Variants in TMEM65 observed in about 807,000 individuals in gnomAD.
TMEM65 encodes transmembrane protein 65.
A neutral mutation model predicts 25.4 loss-of-function variants in TMEM65; 22 were observed. That is an observed-to-expected ratio of 0.86 (90% confidence interval 0.62 to 1.23). The LOEUF (loss-of-function observed/expected upper bound fraction) is 1.23. TMEM65 is among the 50% of genes most tolerant of loss of function. The probability of loss-of-function intolerance (pLI) is 0.00; values close to 1 mark genes in which losing one functional copy is unlikely to be tolerated. For missense variants in TMEM65, 262 were observed against 308.2 expected, an observed-to-expected ratio of 0.85 and a Z score of 1.12; for synonymous variants, 132 against 126.2, an observed-to-expected ratio of 1.05 and a Z score of -0.31.
chr8:124,337,820 C>A (rs1417785945), intron 1 of TMEM65, among the ~76,000 whole-genome samples: 4 of 151,830 alleles, frequency 2.6e-5, no homozygotes, highest in Non-Finnish European at 5.9e-5. Context: ...GGTTTGACTG[C>A]AAATATTTTA....
chr8:124,359,769 G>C (rs1256510618), intron 1 of TMEM65, among the ~76,000 whole-genome samples: 1 of 151,560 alleles, frequency 6.6e-6, no homozygotes, highest in Non-Finnish European at 1.5e-5. Flanking sequence ...AGACTATAAA[G>C]GGCAAATAAA....
intron 5 of TMEM65, among the ~76,000 whole-genome samples, chr8:124,321,237 T>C (rs1402282655): frequency 1.3e-5 from 2 of 152,278 alleles, no homozygotes; most frequent in South Asian, 2.1e-4. Context: ...AGGTTAAGGT[T>C]AGATCACTTA....
intron 4 of TMEM65, 71 bp from the exon 5 acceptor site, chr8:124,322,218 C>CACTG: frequency 8.4e-7 from 1 of 1,188,994 alleles, no homozygotes; most frequent in South Asian, 1.4e-5. Flanking sequence ...ATCAATAAAG[C>CACTG]ACTGATCTTG....
chr8:124,339,222 A>AT (rs71289657), intron 1 of TMEM65, among the ~76,000 whole-genome samples: 18 of 19,900 alleles, frequency 9.0e-4, no homozygotes, highest in Non-Finnish European at 1.3e-3. Flanking sequence ...AAAAAAAAAA[A>AT]ATATATATAT....
chr8:124,329,491 T>G (rs967933640), intron 2 of TMEM65, among the ~76,000 whole-genome samples: 1 of 151,964 alleles, frequency 6.6e-6, no homozygotes, highest in African/African-American at 2.4e-5. Flanking sequence ...AATTAGGTGA[T>G]AAGCCCATTA....
intron 3 of TMEM65, 62 bp downstream of exon 3, chr8:124,327,292 G>C: frequency 8.8e-7 from 1 of 1,136,014 alleles, no homozygotes; most frequent in Non-Finnish European, 1.3e-6. Context: ...AAAATTATTA[G>C]GAAAATGTAG....
At chr8:124,366,727 T>TTTGA (rs1814944149) in intron 1 of TMEM65, among the ~76,000 whole-genome samples, 2 of 150,686 alleles carry the variant, frequency 1.3e-5, no homozygotes, top group African/African-American at 4.9e-5. Flanking sequence ...AAAAAAAAAC[T>TTTGA]TTACTTGATT....
chr8:124,315,407 C>T (rs1814223612), intron 6 of TMEM65, among the ~76,000 whole-genome samples: 3 of 151,794 alleles, frequency 2.0e-5, no homozygotes, highest in South Asian at 2.1e-4. Context: ...CTGCAAGCTC[C>T]GTCTCCTGGG....
At position 124,308,927 on chromosome 8, in the gene TMEM65, T is replaced by C. The variant is rs1814125329; in HGVS notation, c.*5033A>G. ...AACATCAGACAGAAGTTACAATGCA[T>C]TTTCATAATTACACGTAGTGTGCCT... On this transcript the variant is annotated 3_prime_UTR_variant, in exon 7 of 7. Transcript: ENST00000297632. 6.6e-6 allele frequency: 1 copy of C among 152,196 alleles called. No individual in the cohort carries two copies. The highest frequency in any genetic ancestry group is 1.5e-5 in the Non-Finnish European group (1 of 68,038). The allele number at this position is 152,196 out of a possible 1,614,324, so 9.4% of individuals were successfully genotyped here. A position where few individuals can be genotyped will look rare whatever the true frequency, so the allele number is the denominator to read the frequency against.
chr8:124,370,004 C>G (rs543632137), intron 1 of TMEM65, among the ~76,000 whole-genome samples: 2 of 152,242 alleles, frequency 1.3e-5, no homozygotes, highest in South Asian at 4.1e-4. Flanking sequence ...GCAAAGAAGA[C>G]AATTTAAATT....
intron 5 of TMEM65, 31 bp from the exon 6 acceptor site, chr8:124,320,222 G>A: frequency 1.3e-6 from 2 of 1,516,408 alleles, no homozygotes; most frequent in Non-Finnish European, 1.8e-6. Context: ...ATGATATATA[G>A]GTTATGTTTC....
intron 1 of TMEM65, among the ~76,000 whole-genome samples, chr8:124,335,960 G>T (rs1814502051): frequency 6.6e-6 from 1 of 151,936 alleles, no homozygotes; most frequent in African/African-American, 2.4e-5. Flanking sequence ...AACAAAAAAA[G>T]TAAGACCCAA....
At chr8:124,333,744 AC>A (rs1391924404) in intron 1 of TMEM65, among the ~76,000 whole-genome samples, 1 of 152,192 alleles carries the variant, frequency 6.6e-6, no homozygotes, top group Non-Finnish European at 1.5e-5. Flanking sequence ...AGGGGAATCA[AC>A]ACAGAAAAAG....
At chr8:124,332,642 A>G (rs1385272021) in intron 1 of TMEM65, among the ~76,000 whole-genome samples, 1 of 152,146 alleles carries the variant, frequency 6.6e-6, no homozygotes, top group East Asian at 1.9e-4. Context: ...TAAAGGAGAT[A>G]CAACAGGGAG....
At chr8:124,355,721 C>T (rs980512514) in intron 1 of TMEM65, among the ~76,000 whole-genome samples, 12 of 152,184 alleles carry the variant, frequency 7.9e-5, no homozygotes, top group African/African-American at 2.9e-4. Context: ...CATAAGAGAA[C>T]TGAAGTCACA....
Position 124,308,791 on chromosome 8 carries a change from C to T in TMEM65, c.*5169G>A, listed in dbSNP as rs73332131. On this transcript the variant is annotated 3_prime_UTR_variant, in exon 7 of 7. Coordinates refer to ENST00000297632, the MANE Select transcript of TMEM65 (RefSeq NM_194291.3). ...GTAGAAGTGTTCTGATTATTCAAGA[C>T]TGATTTTACAACATGAACCCTTCTA... 28,283 of 152,084 alleles carry T rather than the reference C, an allele frequency of 0.19. 2,946 individuals are homozygous for T. The highest frequency in any genetic ancestry group is 0.26 in the Middle Eastern group (77 of 294). The allele number at this position is 152,084 out of a possible 1,614,324, so 9.4% of individuals were successfully genotyped here.
rs912416227 is a variant in TMEM65 at position 124,334,329 on chromosome 8, C to A, written c.305-3537G>T. ...TTAGCAGACAAAAACTTTAAAGGAG[C>A]AATTAAAATTGTATTCAAAGATGTA... On this transcript the variant is annotated intron_variant, in intron 1 of 6. Coordinates refer to ENST00000297632, the MANE Select transcript of TMEM65 (RefSeq NM_194291.3). Among the ~76,000 whole-genome samples the A allele has an allele frequency of 2.0e-5, 3 of 151,822 alleles. No homozygotes were observed. The South Asian group carries it at 6.2e-4, about 32-fold the overall frequency.
rs1217996765 is a variant in TMEM65 at position 124,350,993 on chromosome 8, A to G, written c.305-20201T>C. The stretch of plus-strand genomic sequence containing the variant: ...AAACAAGCAAGAAGTTCCATCAAAT[A>G]GATGCTTCACTACTTGCAATCAACA... On this transcript the variant is annotated intron_variant, in intron 1 of 6. Coordinates refer to ENST00000297632, the MANE Select transcript of TMEM65 (RefSeq NM_194291.3). 3.0e-6 allele frequency: 3 copies of G among 985,164 alleles called. No homozygotes were observed. The East Asian group carries it at 3.4e-4, about 111-fold the overall frequency. The allele number at this position is 985,164 out of a possible 1,614,324, so 61.0% of individuals were successfully genotyped here. A position where few individuals can be genotyped will look rare whatever the true frequency, so the allele number is the denominator to read the frequency against.
chr8:124,364,776 T>C (rs1308465875), intron 1 of TMEM65, among the ~76,000 whole-genome samples: 1 of 152,228 alleles, frequency 6.6e-6, no homozygotes, highest in African/African-American at 2.4e-5. Flanking sequence ...TTATGTGTTT[T>C]CCTTTACTTA....
Sources: gnomAD v4.1 joint callset for allele counts (sites outside exome capture counted in the v4.1 genomes callset) on GRCh38, gnomAD v4.1.1 for gene constraint, MANE v1.5 for transcripts, NCBI Gene and HGNC (gene_info 2026-07-23, HGNC 2026-07-21) for gene names.